MXRA7: variants seen among roughly 807,000 people sequenced by gnomAD.
The protein encoded by MXRA7 is matrix remodeling associated 7, also known as matrix-remodeling-associated protein 7.
A neutral mutation model predicts 17.4 loss-of-function variants in MXRA7; 18 were observed. The observed-to-expected ratio is 1.03, with a 90% CI of 0.71 to 1.53. The LOEUF is 1.53. Among genes scored for constraint, MXRA7 ranks in the 40% most tolerant of loss-of-function variants. MXRA7 has a pLI of 0.00. For missense variants in MXRA7, 141 were observed against 209.3 expected (o/e 0.67, Z 2.01); for synonymous variants, 70 against 101.7 (o/e 0.69, Z 1.87).
chr17:76,710,250 G>C (rs563918689), intron 1 of MXRA7, among the ~76,000 whole-genome samples: 1 of 152,352 alleles, frequency 6.6e-6, no homozygotes, highest in African/African-American at 2.4e-5. Flanking sequence ...GTGGGCGGGA[G>C]GGGTCAGAAG....
At chr17:76,692,028 C>T (rs2076483141) in intron 1 of MXRA7, among the ~76,000 whole-genome samples, 1 of 152,070 alleles carries the variant, frequency 6.6e-6, no homozygotes, top group South Asian at 2.1e-4. Flanking sequence ...GTGCCCAAGC[C>T]CTCCTGAGCA....
At chr17:76,683,118 A>G (rs1371212613) in intron 3 of MXRA7, among the ~76,000 whole-genome samples, 1 of 152,234 alleles carries the variant, frequency 6.6e-6, no homozygotes, top group Admixed American at 6.5e-5. Context: ...CTGCCTGAGC[A>G]GCCTCTGTCC....
In MXRA7 at chr17:76,700,922, G is replaced by A. The variant is rs1261579567; in HGVS notation, c.342+9683C>T. Among the ~76,000 whole-genome samples the A allele has an allele frequency of 4.6e-5, 7 of 152,246 alleles. 1 individual carries two copies. The East Asian group carries it at 1.4e-3, about 29-fold the overall frequency. On this transcript the variant is annotated intron_variant, in intron 1 of 3. Coordinates refer to ENST00000449428, the MANE Select transcript of MXRA7 (RefSeq NM_198530.4). ...TGCGCGGAGGCTCAGGCAGGGAGGG[G>A]TGTGCTGGGCAGGGTCCTGATGTGG...
rs1311430300 is a variant in MXRA7, at chr17:76,681,245, A to C, written c.501-366T>G. ...TGACAATATTCCTATCACCCTAGAT[A>C]ATTTCCCATTCCCGCTGGCTGAGTT... On this transcript the variant is annotated intron_variant, in intron 3 of 3. Coordinates refer to ENST00000449428, the MANE Select transcript of MXRA7 (RefSeq NM_198530.4). The surrounding 1 kb of genome is among the most constrained non-coding windows in gnomAD (Gnocchi z 4.7). Among the ~76,000 whole-genome samples, 4 of 152,126 alleles carry C rather than the reference A, an allele frequency of 2.6e-5. No homozygotes were observed. The highest frequency in any genetic ancestry group is 9.7e-5 in the African/African-American group (4 of 41,418).
At chr17:76,706,034 C>T (rs940570130) in intron 1 of MXRA7, among the ~76,000 whole-genome samples, 2 of 151,156 alleles carry the variant, frequency 1.3e-5, no homozygotes, top group African/African-American at 4.9e-5. Context: ...TCACGAAGGC[C>T]CACTCTGCTA....
At chr17:76,699,146 C>T (rs1020387895) in intron 1 of MXRA7, among the ~76,000 whole-genome samples, 7 of 152,094 alleles carry the variant, frequency 4.6e-5, no homozygotes, top group African/African-American at 1.7e-4. Context: ...CTGCTCTCCT[C>T]CAATTCATCC....
chr17:76,686,895 G>A (rs558395347), intron 2 of MXRA7, among the ~76,000 whole-genome samples: 4 of 151,954 alleles, frequency 2.6e-5, no homozygotes, highest in South Asian at 2.1e-4. Flanking sequence ...GGCAGGAGGC[G>A]CTGGGGGTGG....
downstream of MXRA7, chr17:76,675,449 G>A (rs913047862): frequency 2.2e-5 from 3 of 137,876 alleles, no homozygotes; most frequent in East Asian, 6.5e-4. Context: ...CCAGGCTAGA[G>A]TGCAGTGGCG....
intron 1 of MXRA7, among the ~76,000 whole-genome samples, chr17:76,707,728 G>A (rs2076677831): frequency 6.6e-6 from 1 of 152,116 alleles, no homozygotes; most frequent in Non-Finnish European, 1.5e-5. Flanking sequence ...ACCAATGTTT[G>A]GGAATCCGAC....
chr17:76,677,739 C>A, downstream of MXRA7: 1 of 1,495,206 alleles, frequency 6.7e-7, no homozygotes, highest in South Asian at 1.1e-5. Context: ...AGAAGGTGCT[C>A]CTAGCCCACT....
intron 1 of MXRA7, among the ~76,000 whole-genome samples, chr17:76,695,201 T>G (rs867096624): frequency 6.6e-6 from 1 of 152,166 alleles, no homozygotes; most frequent in Middle Eastern, 3.4e-3. Flanking sequence ...AAACCACCAG[T>G]GTTGACTGCA....
chr17:76,677,717 G>A, downstream of MXRA7: 2 of 1,594,700 alleles, frequency 1.3e-6, no homozygotes, highest in Non-Finnish European at 1.7e-6. Context: ...CGAGAAGAAA[G>A]GACAAAGAGG....
intron 1 of MXRA7, among the ~76,000 whole-genome samples, chr17:76,710,324 G>T (rs965453933): frequency 1.2e-4 from 19 of 152,234 alleles, no homozygotes; most frequent in Non-Finnish European, 2.5e-4. Context: ...TGCGGAGCAC[G>T]CCCTGGGCTG....
chr17:76,704,139 C>T lies in MXRA7; in HGVS notation c.342+6466G>A, dbSNP rs189046692. ...AAAGAAGATAGCATTGCTTCTACCA[C>T]CCCGCAGCAGGGAATAGAATGACTA... On this transcript the variant is annotated intron_variant, in intron 1 of 3. Transcript: ENST00000449428. 1.8e-3 allele frequency among the ~76,000 whole-genome samples: 273 copies of T among 151,704 alleles called. 2 individuals are homozygous for T. The highest frequency in any genetic ancestry group is 5.9e-3 in the African/African-American group (243 of 41,350).
intron 1 of MXRA7, among the ~76,000 whole-genome samples, chr17:76,704,200 A>ATTTTTT (rs1162372827): frequency 3.2e-5 from 2 of 63,398 alleles, no homozygotes; most frequent in Admixed American, 2.6e-4. Flanking sequence ...CTTCCTTCAG[A>ATTTTTT]TTTTTTTTTT....
intron 1 of MXRA7, among the ~76,000 whole-genome samples, chr17:76,695,839 T>A (rs2076528435): frequency 6.6e-6 from 1 of 152,138 alleles, no homozygotes; most frequent in Admixed American, 6.5e-5. Context: ...ATGCCTGTAA[T>A]CCCAGCACTT....
intron 1 of MXRA7, among the ~76,000 whole-genome samples, chr17:76,697,291 G>A (rs1368006032): frequency 6.6e-6 from 1 of 152,218 alleles, no homozygotes; most frequent in Non-Finnish European, 1.5e-5. Context: ...CCAACTGCAA[G>A]CCAGCGAGAC....
downstream of MXRA7, chr17:76,675,975 T>TG (rs1409401682): frequency 6.6e-6 from 1 of 152,164 alleles, no homozygotes; most frequent in Non-Finnish European, 1.5e-5. Context: ...TCTAAGAACT[T>TG]GCATAGGTTC....
chr17:76,677,274 AGAGT>A (rs1327887868), downstream of MXRA7: 2 of 187,520 alleles, frequency 1.1e-5, no homozygotes, highest in Non-Finnish European at 2.1e-5. Context: ...CCTGGGAGAC[AGAGT>A]GAGACTCCAT....
Sources: allele counts gnomAD v4.1 joint callset (sites outside exome capture counted in the v4.1 genomes callset), GRCh38; gene constraint gnomAD v4.1.1; non-coding constraint Gnocchi (gnomAD v3.1); transcripts MANE v1.5; gene names NCBI Gene and HGNC (gene_info 2026-07-23, HGNC 2026-07-21).